IFT122: variants seen among roughly 807,000 people sequenced by gnomAD.
IFT122 encodes the protein intraflagellar transport protein 122 homolog.
Under a neutral mutation model 161.6 loss-of-function variants are expected in IFT122, and 118 were observed. That is an observed-to-expected ratio of 0.73 (90% confidence interval 0.63 to 0.85). The LOEUF (loss-of-function observed/expected upper bound fraction) is 0.85, where lower values mean the gene tolerates loss of function less well. IFT122 is among the 40% of genes least tolerant of loss of function. The pLI is 0.00. For missense variants in IFT122, 1,381 were observed against 1,579.6 expected (o/e 0.87, Z 2.13); for synonymous variants, 550 against 602.4 (o/e 0.91, Z 1.27).
intron 17 of IFT122, among the ~76,000 whole-genome samples, chr3:129,495,161 C>T (rs1228646720): frequency 1.3e-5 from 2 of 152,290 alleles, no homozygotes; most frequent in East Asian, 1.9e-4. Context: ...CAAACTATTC[C>T]GTCATAGCCT....
chr3:129,463,331 C>T, intron 5 of IFT122: 1 of 497,682 alleles, frequency 2.0e-6, no homozygotes, highest in Non-Finnish European at 3.7e-6. Context: ...CAGTTATCTC[C>T]AAACCCTGGT....
At chr3:129,517,346 T>C in intron 26 of IFT122, 123 bp from the exon 27 acceptor site, 2 of 1,276,304 alleles carry the variant, frequency 1.6e-6, no homozygotes, top group Non-Finnish European at 1.1e-6. Context: ...CCCTGCTGCC[T>C]CTTCTTGCTT....
In IFT122 at chr3:129,480,963, G is replaced by A. The variant is rs377200143; in HGVS notation, c.1489-567G>A. Among the ~76,000 whole-genome samples the A allele has an allele frequency of 9.2e-5, 14 of 152,274 alleles. No individual in the cohort carries two copies. The South Asian group carries it at 2.9e-3, about 32-fold the overall frequency. ...AGCTACTCAGGAGGCTGAGATAGGA[G>A]GATCACTTTGAGCCCAGGAGTTTGA... is the stretch of plus-strand genomic sequence containing the variant. On this transcript the variant is annotated intron_variant, in intron 13 of 29. Transcript: ENST00000348417.
chr3:129,481,358 C>T, intron 13 of IFT122, 172 bp from the exon 14 acceptor site: 1 of 674,666 alleles, frequency 1.5e-6, no homozygotes, highest in Non-Finnish European at 2.7e-6. Flanking sequence ...AAGGATAAGC[C>T]ATTGCCCCCC....
intron 1 of IFT122, among the ~76,000 whole-genome samples, chr3:129,449,393 T>TG (rs1347723115): frequency 1.3e-5 from 2 of 152,218 alleles, no homozygotes; most frequent in Admixed American, 6.5e-5. Flanking sequence ...TGATGACATA[T>TG]GGTAGTTCTT....
At chr3:129,468,674 C>T (rs545676469) in intron 8 of IFT122, among the ~76,000 whole-genome samples, 1 of 152,324 alleles carries the variant, frequency 6.6e-6, no homozygotes, top group East Asian at 1.9e-4. Context: ...TCCCAGGTAG[C>T]TTGCTCTCCA....
intron 12 of IFT122, 133 bp from the exon 13 acceptor site, chr3:129,479,652 C>T: frequency 2.7e-6 from 3 of 1,120,096 alleles, no homozygotes; most frequent in Non-Finnish European, 4.0e-6. Flanking sequence ...ATCGTGGGGT[C>T]TACATTGGGT....
At chr3:129,505,935 AAG>A (rs967503431) in intron 21 of IFT122, among the ~76,000 whole-genome samples, 56 of 152,284 alleles carry the variant, frequency 3.7e-4, no homozygotes, top group African/African-American at 1.3e-3. Flanking sequence ...TGCTCATAAA[AAG>A]GGGGATAATT....
At position 129,516,693 on chromosome 3, in the gene IFT122, T is replaced by TGC. The variant is rs1309369452; in HGVS notation, c.3266-775_3266-774dup. The stretch of plus-strand genomic sequence containing the variant: ...CCCCTGCACACACACAGATTGCTCC[T>TGC]GCACACACACACACACACACACACA... On this transcript the variant is annotated intron_variant, in intron 26 of 29. Transcript: ENST00000348417. 8.6e-3 allele frequency among the ~76,000 whole-genome samples: 465 copies of TGC among 54,062 alleles called. 17 individuals are homozygous for TGC. The highest frequency in any genetic ancestry group is 0.049 in the African/African-American group (440 of 8,934). The allele number at this position is 54,062 out of a possible 152,430, so 35.5% of individuals were successfully genotyped here. A position where few individuals can be genotyped will look rare whatever the true frequency, so the allele number is the denominator to read the frequency against.
chr3:129,496,703 C>T (rs1294422738), intron 18 of IFT122, among the ~76,000 whole-genome samples: 1 of 152,168 alleles, frequency 6.6e-6, no homozygotes, highest in African/African-American at 2.4e-5. Flanking sequence ...CCTGTCTTTT[C>T]ACCTTAGTGA....
intron 26 of IFT122, among the ~76,000 whole-genome samples, chr3:129,516,840 TGC>T (rs2083857887): frequency 1.4e-5 from 1 of 69,034 alleles, no homozygotes; most frequent in Non-Finnish European, 2.8e-5. Flanking sequence ...AGACTGCCCC[TGC>T]ACACACACAC....
intron 16 of IFT122, among the ~76,000 whole-genome samples, chr3:129,489,154 C>T (rs545117994): frequency 4.5e-4 from 69 of 152,236 alleles, no homozygotes; most frequent in African/African-American, 1.2e-3. Context: ...TCCATATTCC[C>T]GGGCTGACAT....
rs796456720 is a variant in IFT122, at chr3:129,514,186, A to C, written c.2988-203A>C. ...TATTAATGGAAACTACGCTGTTTTT[A>C]TCTTTGGAAAAATTCCTGGGCCTTG... is the stretch of plus-strand genomic sequence containing the variant. On this transcript the variant is annotated intron_variant, in intron 24 of 29. Transcript: ENST00000348417. 4.3e-6 allele frequency: 3 copies of C among 699,942 alleles called. No homozygotes were observed. The African/African-American group carries it at 5.3e-5, about 12-fold the overall frequency. The allele number at this position is 699,942 out of a possible 1,614,324, so 43.4% of individuals were successfully genotyped here.
intron 2 of IFT122, among the ~76,000 whole-genome samples, chr3:129,451,015 C>T (rs1003434095): frequency 6.6e-5 from 10 of 151,920 alleles, no homozygotes; most frequent in Non-Finnish European, 1.5e-4. Flanking sequence ...CCACCGCGCC[C>T]GGCCAGATGG....
In IFT122 at chr3:129,507,781, CA is replaced by C; in HGVS notation, c.2886+20del. 2.5e-6 allele frequency: 4 copies of C among 1,588,016 alleles called. No individual in the cohort carries two copies. In the Middle Eastern group the frequency reaches 5.0e-4, roughly 198 times the overall value. Reference sequence around the variant, plus strand: ...CCACACGGTAAGGTGGCTGGGTCACCAGCACCTGAGGGTACCATCTCCTGAG... The same window carrying C: ...CCACACGGTAAGGTGGCTGGGTCACCGCACCTGAGGGTACCATCTCCTGAG... On this transcript the variant is annotated intron_variant, in intron 23 of 29. Coordinates refer to ENST00000348417, the MANE Select transcript of IFT122 (RefSeq NM_052989.3).
At chr3:129,492,816 C>CTTTTT (rs376279677) in intron 17 of IFT122, among the ~76,000 whole-genome samples, 1 of 125,716 alleles carries the variant, frequency 8.0e-6, no homozygotes, top group Non-Finnish European at 1.7e-5. Flanking sequence ...CTTTTTTTTT[C>CTTTTT]TTTTTTTTTT....
intron 20 of IFT122, 188 bp from the exon 21 acceptor site, chr3:129,504,131 G>T: frequency 7.6e-4 from 405 of 533,602 alleles, no homozygotes; most frequent in Middle Eastern, 2.2e-3. Context: ...GCTGTTAATT[G>T]CCTTTTGTTT....
intron 9 of IFT122, among the ~76,000 whole-genome samples, chr3:129,469,810 T>A (rs1413050947): frequency 6.6e-6 from 1 of 152,180 alleles, no homozygotes; most frequent in African/African-American, 2.4e-5. Flanking sequence ...TATTTATGAG[T>A]ACCCACTCAG....
intron 15 of IFT122, chr3:129,488,023 G>A (rs1559939285): frequency 8.1e-6 from 5 of 615,456 alleles, no homozygotes; most frequent in Admixed American, 5.3e-5. Context: ...AGGAGGGGAG[G>A]ATGGGCAGAG....
Sources: allele counts gnomAD v4.1 joint callset (sites outside exome capture counted in the v4.1 genomes callset), GRCh38; gene constraint gnomAD v4.1.1; transcripts MANE v1.5; gene names NCBI Gene and HGNC (gene_info 2026-07-23, HGNC 2026-07-21).